VPS8: variants seen among roughly 807,000 people sequenced by gnomAD.
VPS8 encodes the protein VPS8 subunit of CORVET complex.
Under a neutral mutation model 216.4 loss-of-function variants are expected in VPS8, and 129 were observed. The ratio of observed to expected loss-of-function variants is 0.60; its 90% CI spans 0.52 to 0.69. VPS8 has a LOEUF of 0.69. Ranked by LOEUF, VPS8 falls within the 30% of genes least tolerant of loss-of-function variation. VPS8 has a pLI of 0.00. For missense variants in VPS8, 1,531 were observed against 1,683.5 expected (o/e 0.91, Z 1.59); for synonymous variants, 571 against 565.4 (o/e 1.01, Z -0.14).
chr3:184,931,024 T>G (rs1406303102), intron 34 of VPS8, among the ~76,000 whole-genome samples: 1 of 152,194 alleles, frequency 6.6e-6, no homozygotes, highest in Admixed American at 6.5e-5. Flanking sequence ...TGTTGATGCC[T>G]GCTATTTTAC....
intron 7 of VPS8, chr3:184,840,054 C>T (rs933721696): frequency 7.8e-6 from 3 of 384,324 alleles, no homozygotes; most frequent in Non-Finnish European, 1.1e-5. Flanking sequence ...TCTTGTCTGC[C>T]TCCGGTTGTT....
chr3:184,941,067 A>AT (rs1418639646), intron 36 of VPS8, among the ~76,000 whole-genome samples: 1 of 152,258 alleles, frequency 6.6e-6, no homozygotes, highest in East Asian at 1.9e-4. Context: ...CATAGCTTTC[A>AT]TATCAGACAT....
chr3:185,021,327 C>G (rs1756626871), intron 45 of VPS8, among the ~76,000 whole-genome samples: 1 of 152,070 alleles, frequency 6.6e-6, no homozygotes, highest in South Asian at 2.1e-4. Flanking sequence ...AAAAATAAGG[C>G]CTTTCATGAG....
At chr3:185,024,641 C>T (rs903481850) in intron 46 of VPS8, among the ~76,000 whole-genome samples, 1 of 152,138 alleles carries the variant, frequency 6.6e-6, no homozygotes, top group East Asian at 1.9e-4. Context: ...GGCATGGTAT[C>T]GTGGTATCAA....
At chr3:184,840,447 T>A (rs1213518201) in intron 7 of VPS8, 4 of 152,164 alleles carry the variant, frequency 2.6e-5, no homozygotes, top group African/African-American at 9.7e-5. Flanking sequence ...ACGCCTGTAA[T>A]CCTAGCACTT....
At chr3:184,845,911 A>G (rs573528401) in intron 8 of VPS8, among the ~76,000 whole-genome samples, 1 of 152,272 alleles carries the variant, frequency 6.6e-6, no homozygotes, top group East Asian at 1.9e-4. Context: ...TAATCTATAA[A>G]TTAGTTTGTG....
intron 37 of VPS8, among the ~76,000 whole-genome samples, chr3:184,960,288 G>A (rs1287729941): frequency 6.6e-6 from 1 of 152,010 alleles, no homozygotes; most frequent in Non-Finnish European, 1.5e-5. Flanking sequence ...GAATAGTGTT[G>A]CACTCTTTTT....
chr3:185,001,753 CA>C (rs1753454235), intron 45 of VPS8, among the ~76,000 whole-genome samples: 2 of 152,314 alleles, frequency 1.3e-5, no homozygotes, highest in South Asian at 2.1e-4. Flanking sequence ...ACCTAGCCCT[CA>C]TGCTGAAGCT....
rs540966657 is a variant in VPS8 at position 185,046,587 on chromosome 3, C to T, written c.4057-1892C>T. On this transcript the variant is annotated intron_variant, in intron 46 of 47. Transcript: ENST00000625842. ...GATTGGAGCCCATGTTTCCTGATTT[C>T]ATCCCATTGTTCTTTCTAGGGGGAC... Among the ~76,000 whole-genome samples, 6 of 152,268 alleles carry T rather than the reference C, an allele frequency of 3.9e-5. No individual in the cohort carries two copies. The South Asian group carries it at 1.2e-3, about 32-fold the overall frequency.
intron 1 of VPS8, chr3:184,816,155 T>C (rs1339582082): frequency 1.3e-5 from 2 of 152,220 alleles, no homozygotes; most frequent in Non-Finnish European, 2.9e-5. Flanking sequence ...ATCATTTTTC[T>C]CTGTTATTTA....
chr3:184,897,710 T>C (rs1262595050), intron 23 of VPS8, among the ~76,000 whole-genome samples: 3 of 152,124 alleles, frequency 2.0e-5, no homozygotes, highest in Non-Finnish European at 4.4e-5. Context: ...TTTTCCCTCT[T>C]ACCTCTCACT....
chr3:184,963,687 T>A (rs573388475), intron 37 of VPS8, among the ~76,000 whole-genome samples: 1 of 152,130 alleles, frequency 6.6e-6, no homozygotes, highest in Non-Finnish European at 1.5e-5. Flanking sequence ...GTATGACTTC[T>A]AACCTTGTTC....
intron 46 of VPS8, among the ~76,000 whole-genome samples, chr3:185,047,984 G>A (rs570471734): frequency 1.3e-5 from 2 of 152,252 alleles, no homozygotes; most frequent in South Asian, 4.2e-4. Flanking sequence ...AGGCTAGACC[G>A]GCCCTTTTCC....
intron 6 of VPS8, 159 bp downstream of exon 6, chr3:184,838,905 A>T (rs1186103061): frequency 1.2e-5 from 7 of 562,248 alleles, no homozygotes; most frequent in Non-Finnish European, 2.1e-5. Context: ...TCCATGTTGA[A>T]TGCTTTCTTT....
intron 22 of VPS8, among the ~76,000 whole-genome samples, 196 bp from the exon 23 acceptor site, chr3:184,894,507 C>CTTATATATATATAT (rs201827320): frequency 1.1e-5 from 1 of 91,928 alleles, no homozygotes. Flanking sequence ...TATATACACA[C>CTTATATATATATAT]GTATATATAT....
intron 15 of VPS8, among the ~76,000 whole-genome samples, chr3:184,861,774 A>AT: frequency 6.6e-6 from 1 of 152,122 alleles, no homozygotes; most frequent in Non-Finnish European, 1.5e-5. Flanking sequence ...ATTGAGGTTC[A>AT]TTTTTTTCTG....
chr3:184,911,639 C>G (rs1054429707), intron 25 of VPS8, among the ~76,000 whole-genome samples: 3 of 152,222 alleles, frequency 2.0e-5, no homozygotes, highest in African/African-American at 7.2e-5. Flanking sequence ...AATGCCCAAC[C>G]TTGTTTTCAC....
chr3:184,869,617 G>T, intron 20 of VPS8, 89 bp downstream of exon 20: 1 of 1,311,682 alleles, frequency 7.6e-7, no homozygotes, highest in Non-Finnish European at 1.1e-6. Flanking sequence ...TAGATAAATG[G>T]CTACAATCTA....
chr3:184,968,907 C>CT (rs1277868995), intron 39 of VPS8, among the ~76,000 whole-genome samples: 1 of 152,064 alleles, frequency 6.6e-6, no homozygotes, highest in Non-Finnish European at 1.5e-5. Context: ...TATTAAGGTC[C>CT]TAGATGATAG....
Sources: allele counts gnomAD v4.1 joint callset (sites outside exome capture counted in the v4.1 genomes callset), GRCh38; gene constraint gnomAD v4.1.1; transcripts MANE v1.5; gene names NCBI Gene and HGNC (gene_info 2026-07-23, HGNC 2026-07-21).